MYRIP: variants seen among roughly 807,000 people sequenced by gnomAD.
MYRIP encodes the protein myosin VIIA and Rab interacting protein.
MYRIP carries 49 observed loss-of-function variants against 98.0 expected under a neutral mutation model. That is an observed-to-expected ratio of 0.50 (90% confidence interval 0.40 to 0.63). MYRIP has a LOEUF of 0.63. MYRIP is among the 30% of genes least tolerant of loss of function. The pLI is 0.00. For synonymous variants in MYRIP, 404 were observed against 409.5 expected (o/e 0.99, Z 0.16); for missense variants, 1,004 against 1,058.2 (o/e 0.95, Z 0.71).
chr3:40,087,092 A>G (rs1205467970), intron 3 of MYRIP, among the ~76,000 whole-genome samples: 1 of 152,066 alleles, frequency 6.6e-6, no homozygotes, highest in Admixed American at 6.6e-5. Context: ...CTGGACATGA[A>G]CAAAGATATG....
At chr3:40,188,100 T>C (rs776967161) in intron 9 of MYRIP, among the ~76,000 whole-genome samples, 1 of 152,166 alleles carries the variant, frequency 6.6e-6, no homozygotes, top group Non-Finnish European at 1.5e-5. Context: ...GTCCTGCCAG[T>C]CTGAGCTGCA....
intron 12 of MYRIP, among the ~76,000 whole-genome samples, chr3:40,243,468 AT>A (rs1953089767): frequency 6.6e-6 from 1 of 151,460 alleles, no homozygotes; most frequent in African/African-American, 2.4e-5. Flanking sequence ...ACTCTGCTAT[AT>A]TTTTAACTCA....
At chr3:39,877,036 T>G (rs35461124) in intron 1 of MYRIP, among the ~76,000 whole-genome samples, 20,944 of 152,080 alleles carry the variant, frequency 0.14, 1,514 homozygotes, top group Middle Eastern at 0.18. Flanking sequence ...AGGCTTTGCT[T>G]GTTTCTTTTT....
intron 1 of MYRIP, among the ~76,000 whole-genome samples, chr3:39,828,857 T>G (rs530213553): frequency 6.6e-6 from 1 of 152,280 alleles, no homozygotes; most frequent in South Asian, 2.1e-4. Flanking sequence ...TATATCAGAG[T>G]TTCTTTATCC....
chr3:40,100,288 AT>A, intron 3 of MYRIP: 1 of 982,950 alleles, frequency 1.0e-6, no homozygotes, highest in Non-Finnish European at 1.2e-6. Context: ...CTTGTCCTTT[AT>A]TTCACAATTT....
rs571108709 is a variant in MYRIP at position 40,177,485 on chromosome 3, A to G, written c.874-4735A>G. Among the ~76,000 whole-genome samples the G allele has an allele frequency of 1.4e-4, 21 of 152,302 alleles. 1 individual carries two copies. In the South Asian group the frequency reaches 1.9e-3, roughly 14 times the overall value. ...AAGAAATAACCATGCAGAATCCCCA[A>G]TCCCCATCAGCACCACTGCTTAGGC... On this transcript the variant is annotated intron_variant, in intron 8 of 16. Transcript: ENST00000302541.
rs573850562 is a variant in MYRIP, at chr3:39,935,093, G to A, written c.110+34167G>A. 1.1e-4 allele frequency among the ~76,000 whole-genome samples: 16 copies of A among 152,310 alleles called. No homozygotes were observed. In the East Asian group the frequency reaches 1.5e-3, roughly 15 times the overall value. On this transcript the variant is annotated intron_variant, in intron 2 of 16. Transcript: ENST00000302541. ...TCTGCCCCTGGCATTCAGCTTTCTC[G>A]CTGGAAACCACATACCTTGAGTTCA... is the stretch of plus-strand genomic sequence containing the variant.
chr3:40,100,305 TATTG>T, intron 3 of MYRIP: 2 of 974,028 alleles, frequency 2.1e-6, no homozygotes, highest in Non-Finnish European at 2.4e-6. Flanking sequence ...AATTTGCTAT[TATTG>T]ATTATGTACT....
At chr3:40,197,014 A>G (rs923757345) in intron 10 of MYRIP, among the ~76,000 whole-genome samples, 1 of 152,150 alleles carries the variant, frequency 6.6e-6, no homozygotes, top group African/African-American at 2.4e-5. Flanking sequence ...CACTTGACAC[A>G]TACCTTTGCA....
At chr3:40,059,764 T>G (rs1575503600) in intron 3 of MYRIP, among the ~76,000 whole-genome samples, 1 of 152,194 alleles carries the variant, frequency 6.6e-6, no homozygotes, top group Non-Finnish European at 1.5e-5. Context: ...CATCTCCTTT[T>G]TAGATACTGG....
intron 1 of MYRIP, among the ~76,000 whole-genome samples, chr3:39,881,344 C>T (rs1284500281): frequency 1.3e-5 from 2 of 152,096 alleles, no homozygotes; most frequent in South Asian, 2.1e-4. Context: ...ATTGGAGGCA[C>T]CTTAACAAGT....
Position 39,847,011 on chromosome 3 carries a change from G to A in MYRIP, c.-31+37095G>A, listed in dbSNP as rs566305973. Among the ~76,000 whole-genome samples, 431 of 152,254 alleles carry A rather than the reference G, an allele frequency of 2.8e-3. 1 individual carries two copies. The highest frequency in any genetic ancestry group is 9.7e-3 in the African/African-American group (405 of 41,540). ...GACTTTGCACCAACTGAGTTAGGTT[G>A]ATTCACATTAAGCAGGGCAATCTCT... is the stretch of plus-strand genomic sequence containing the variant. On this transcript the variant is annotated intron_variant, in intron 1 of 16. Transcript: ENST00000302541.
intron 1 of MYRIP, among the ~76,000 whole-genome samples, chr3:39,884,672 A>G (rs1371801609): frequency 6.6e-6 from 1 of 152,094 alleles, no homozygotes; most frequent in Non-Finnish European, 1.5e-5. Context: ...ACTTTTCTGC[A>G]TCTTGCTTTT....
intron 5 of MYRIP, among the ~76,000 whole-genome samples, chr3:40,166,078 G>C (rs1175301204): frequency 3.3e-5 from 5 of 152,070 alleles, no homozygotes; most frequent in Admixed American, 3.3e-4. Flanking sequence ...TGAAACTCTG[G>C]GCTTGGTGCC....
intron 2 of MYRIP, among the ~76,000 whole-genome samples, chr3:40,040,995 A>AG (rs1491497512): frequency 1.6e-4 from 8 of 50,888 alleles, no homozygotes; most frequent in African/African-American, 5.9e-4. Flanking sequence ...AAAAAAAAAG[A>AG]AAAAAAAAAA....
chr3:40,169,998 C>T lies in MYRIP; in HGVS notation c.778C>T (p.Pro260Ser), dbSNP rs767587141. Residue 260 changes from proline (P) to serine (S), a missense_variant, in exon 8 of 17, where the codon CCA becomes TCA. Pro to Ser is a moderately conservative substitution (Grantham distance 74). Around this residue, in one of 3 missense-constraint regions of MYRIP, gnomAD observed 880 missense variants for 907.7 expected, o/e 0.97. Coordinates refer to ENST00000302541, the MANE Select transcript of MYRIP (RefSeq NM_015460.4). Reference sequence around the variant, plus strand: ...AAGTGAGCAGCAAGTGGAAGAAGAGCCAGGATGGCCACATCCCCAGAGTTG... The same window carrying T: ...AAGTGAGCAGCAAGTGGAAGAAGAGTCAGGATGGCCACATCCCCAGAGTTG... ...SKSEQQVEEEPGWPHPQSCST... is the reference protein window; with the variant it reads ...SKSEQQVEEESGWPHPQSCST... The T allele has an allele frequency of 6.2e-7, 1 of 1,614,184 alleles. No individual in the cohort carries two copies. The highest frequency in any genetic ancestry group is 8.5e-7 in the Non-Finnish European group (1 of 1,180,038).
intron 2 of MYRIP, among the ~76,000 whole-genome samples, chr3:39,965,446 AT>A (rs1398932994): frequency 6.6e-6 from 1 of 152,052 alleles, no homozygotes; most frequent in East Asian, 1.9e-4. Flanking sequence ...GTACAGCTTT[AT>A]TTTTTTACTT....
chr3:40,131,217 C>T (rs1228618807), intron 3 of MYRIP, among the ~76,000 whole-genome samples: 3 of 152,196 alleles, frequency 2.0e-5, no homozygotes, highest in Non-Finnish European at 2.9e-5. Flanking sequence ...TCCCATGAAT[C>T]TAAACTCCAT....
intron 4 of MYRIP, among the ~76,000 whole-genome samples, chr3:40,156,026 G>C (rs916393200): frequency 2.7e-4 from 41 of 152,174 alleles, no homozygotes; most frequent in African/African-American, 9.2e-4. Flanking sequence ...TTTGTCTTTT[G>C]TTGCCATTGC....
Sources: gnomAD v4.1 joint callset for allele counts (sites outside exome capture counted in the v4.1 genomes callset) on GRCh38, gnomAD v4.1.1 for gene constraint, gnomAD v4.1.1 regional missense constraint, MANE v1.5 for transcripts, NCBI Gene and HGNC (gene_info 2026-07-23, HGNC 2026-07-21) for gene names.